Variants in CDKL2 observed in about 807,000 individuals in gnomAD.
The protein encoded by CDKL2 is cyclin dependent kinase like 2.
Under a neutral mutation model 63.9 loss-of-function variants are expected in CDKL2, and 64 were observed. The observed-to-expected ratio is 1.00, with a 90% CI of 0.82 to 1.23. The LOEUF (loss-of-function observed/expected upper bound fraction) is 1.23. CDKL2 is among the 50% of genes most tolerant of loss of function. CDKL2 has a pLI of 0.00. For synonymous variants in CDKL2, 211 were observed against 229.2 expected, an observed-to-expected ratio of 0.92 and a Z score of 0.72; for missense variants, 656 against 668.0, an observed-to-expected ratio of 0.98 and a Z score of 0.20.
chr4:75,615,978 C>G (rs1237623954), intron 2 of CDKL2, among the ~76,000 whole-genome samples: 1 of 151,694 alleles, frequency 6.6e-6, no homozygotes, highest in African/African-American at 2.4e-5. Flanking sequence ...TCAGCTCGAG[C>G]AACAGAGCAA....
At chr4:75,617,797 C>G (rs1459355773) in intron 2 of CDKL2, among the ~76,000 whole-genome samples, 1 of 152,102 alleles carries the variant, frequency 6.6e-6, no homozygotes, top group Admixed American at 6.6e-5. Flanking sequence ...TCCAAACCTG[C>G]AATCATAATT....
chr4:75,580,762 G>A (rs1451911097), intron 13 of CDKL2, among the ~76,000 whole-genome samples: 2 of 145,678 alleles, frequency 1.4e-5, no homozygotes, highest in South Asian at 2.2e-4. Context: ...GTGCAGTGGC[G>A]CGATCTCGGC....
At chr4:75,594,690 A>T (rs1184623619) in intron 10 of CDKL2, among the ~76,000 whole-genome samples, 1 of 152,186 alleles carries the variant, frequency 6.6e-6, no homozygotes, top group Non-Finnish European at 1.5e-5. Flanking sequence ...GTTTCATGTG[A>T]GCTAAGAAGA....
At chr4:75,604,071 T>C (rs969999783) in intron 5 of CDKL2, 115 bp from the exon 6 acceptor site, 1 of 950,362 alleles carries the variant, frequency 1.1e-6, no homozygotes, top group Non-Finnish European at 1.6e-6. Context: ...AGTTTGGGGC[T>C]CTCTCAACAT....
chr4:75,628,296 T>C (rs1730525824), intron 1 of CDKL2, among the ~76,000 whole-genome samples: 1 of 152,064 alleles, frequency 6.6e-6, no homozygotes, highest in South Asian at 2.1e-4. Flanking sequence ...TTTGTATTTT[T>C]AGTAGAGACG....
chr4:75,600,439 A>G, intron 6 of CDKL2, 70 bp from the exon 7 acceptor site: 2 of 1,036,182 alleles, frequency 1.9e-6, no homozygotes, highest in Non-Finnish European at 2.9e-6. Flanking sequence ...TAAATATAGA[A>G]AAAAAATCCT....
At chr4:75,595,721 G>A (rs899509773) in intron 10 of CDKL2, among the ~76,000 whole-genome samples, 1 of 152,080 alleles carries the variant, frequency 6.6e-6, no homozygotes, top group African/African-American at 2.4e-5. Context: ...CACGAGGTCA[G>A]GAGTTCAAGA....
intron 3 of CDKL2, among the ~76,000 whole-genome samples, chr4:75,607,912 A>C (rs1338182003): frequency 1.3e-5 from 2 of 152,002 alleles, no homozygotes; most frequent in Non-Finnish European, 2.9e-5. Flanking sequence ...TCCCGGGTTC[A>C]CGCCATTCTC....
At chr4:75,618,239 C>CTTTTTTTTTTTTTTT (rs56002333) in intron 2 of CDKL2, among the ~76,000 whole-genome samples, 1 of 52,946 alleles carries the variant, frequency 1.9e-5, no homozygotes, top group African/African-American at 7.8e-5. Context: ...ATTGAAAATT[C>CTTTTTTTTTTTTTTT]TTTTTTTTTT....
In CDKL2 at chr4:75,591,783, C is replaced by T. The variant is rs1360375174; in HGVS notation, c.1647+36G>A. The stretch of plus-strand genomic sequence containing the variant: ...TTTACTAGTAAGTAAGAGAGAGACC[C>T]GAGTTCTGTCCATCCTATAAAGAGT... On this transcript the variant is annotated intron_variant, in intron 12 of 13. Coordinates refer to ENST00000307465, the MANE Select transcript of CDKL2 (RefSeq NM_001330724.2). 102 of 1,384,732 alleles carry T rather than the reference C, an allele frequency of 7.4e-5. No individual in the cohort carries two copies. The East Asian group carries it at 2.2e-3, about 30-fold the overall frequency. The allele number at this position is 1,384,732 out of a possible 1,614,324, so 85.8% of individuals were successfully genotyped here. A position where few individuals can be genotyped will look rare whatever the true frequency, so the allele number is the denominator to read the frequency against.
chr4:75,598,358 G>C (rs1365647648), intron 7 of CDKL2, 146 bp from the exon 8 acceptor site: 2 of 447,352 alleles, frequency 4.5e-6, no homozygotes, highest in Admixed American at 8.7e-5. Context: ...TAGATCAGCA[G>C]TTTGGAAAGG....
rs746503021 is a variant in CDKL2, at chr4:75,577,251, T to TA, written c.*1950dup. On this transcript the variant is annotated 3_prime_UTR_variant, in exon 14 of 14. Transcript: ENST00000307465. ...AAGAGAAACTAAATAACCTTAAACT[T>TA]AAAAAAAGGATCATTTTGGTTCAAT... 6.6e-6 allele frequency among the ~76,000 whole-genome samples: 1 copy of TA among 151,994 alleles called. No individual in the cohort carries two copies. The highest frequency in any genetic ancestry group is 1.5e-5 in the Non-Finnish European group (1 of 67,970).
At chr4:75,621,152 T>A (rs1421323585) in intron 2 of CDKL2, among the ~76,000 whole-genome samples, 1 of 151,992 alleles carries the variant, frequency 6.6e-6, no homozygotes, top group Non-Finnish European at 1.5e-5. Flanking sequence ...GCCAGGCTGG[T>A]CTCGAACCCC....
At position 75,581,900 on chromosome 4, in the gene CDKL2, T is replaced by A; in HGVS notation, c.1648-2A>T. ...ATCTGACAGGGGAGGTCCTGATACCTATAAATTAATAATAGAGCATCATAG... is the reference window on the plus strand; with the variant it reads ...ATCTGACAGGGGAGGTCCTGATACCAATAAATTAATAATAGAGCATCATAG... On this transcript the variant is annotated splice_acceptor_variant, in intron 12 of 13. Coordinates refer to ENST00000307465, the MANE Select transcript of CDKL2 (RefSeq NM_001330724.2). LOFTEE classifies it high-confidence loss of function. 1.9e-6 allele frequency: 3 copies of A among 1,600,218 alleles called. No homozygotes were observed. Among genetic ancestry groups the A allele is most frequent in the Non-Finnish European group, 2.6e-6 (3 of 1,168,014 alleles).
chr4:75,611,837 A>G (rs189056334), intron 3 of CDKL2, among the ~76,000 whole-genome samples: 1,786 of 152,002 alleles, frequency 0.012, 38 homozygotes, highest in African/African-American at 0.042. Context: ...TATTTTTAGT[A>G]GAGACGGGGT....
intron 3 of CDKL2, among the ~76,000 whole-genome samples, chr4:75,608,122 C>CT (rs34604898): frequency 0.14 from 12,686 of 88,114 alleles, 1,775 homozygotes; most frequent in African/African-American, 0.32. Flanking sequence ...GGCCAAAAAC[C>CT]TTTTTTTTTT....
chr4:75,607,388 T>C, intron 3 of CDKL2, 27 bp from the exon 4 acceptor site: 2 of 1,579,690 alleles, frequency 1.3e-6, no homozygotes, highest in Non-Finnish European at 8.7e-7. Flanking sequence ...GTGTGACGGA[T>C]GTTAAATAAA....
At chr4:75,610,107 C>T (rs1391587933) in intron 3 of CDKL2, among the ~76,000 whole-genome samples, 1 of 151,562 alleles carries the variant, frequency 6.6e-6, no homozygotes, top group African/African-American at 2.4e-5. Flanking sequence ...GAGGCTGAGG[C>T]AGGGAGAATG....
At chr4:75,600,105 G>C (rs1181840023) in intron 7 of CDKL2, among the ~76,000 whole-genome samples, 176 bp downstream of exon 7, 1 of 152,158 alleles carries the variant, frequency 6.6e-6, no homozygotes, top group African/African-American at 2.4e-5. Flanking sequence ...AGTAAATGTA[G>C]GAGACCACCC....
Sources: allele counts gnomAD v4.1 joint callset (sites outside exome capture counted in the v4.1 genomes callset), GRCh38; gene constraint gnomAD v4.1.1; transcripts MANE v1.5; gene names NCBI Gene and HGNC (gene_info 2026-07-23, HGNC 2026-07-21).